Variants in NKAIN3 observed in about 807,000 individuals in gnomAD.
NKAIN3 encodes the protein sodium/potassium-transporting ATPase subunit beta-1-interacting protein 3.
A neutral mutation model predicts 30.2 loss-of-function variants in NKAIN3; 25 were observed. The ratio of observed to expected loss-of-function variants is 0.83; its 90% CI spans 0.60 to 1.16. The LOEUF (loss-of-function observed/expected upper bound fraction) is 1.16, where lower values mean the gene tolerates loss of function less well. Among genes scored for constraint, NKAIN3 ranks in the 50% most tolerant of loss-of-function variants. The pLI is 0.00. For synonymous variants in NKAIN3, 91 were observed against 89.6 expected (o/e 1.02, Z -0.09); for missense variants, 225 against 254.1 (o/e 0.89, Z 0.78).
chr8:62,783,698 C>T (rs759961079), intron 4 of NKAIN3, among the ~76,000 whole-genome samples: 15 of 150,312 alleles, frequency 1.0e-4, no homozygotes, highest in South Asian at 2.1e-4. Flanking sequence ...GCAGCCTCAA[C>T]CTCCTGGGCT....
At chr8:62,655,681 A>C (rs1262594830) in intron 3 of NKAIN3, among the ~76,000 whole-genome samples, 1 of 152,166 alleles carries the variant, frequency 6.6e-6, no homozygotes, top group Admixed American at 6.6e-5. Context: ...GAAAGAGCAG[A>C]TTGGTAGAGG....
chr8:62,254,403 T>C (rs1160274749), intron 1 of NKAIN3, among the ~76,000 whole-genome samples: 1 of 152,060 alleles, frequency 6.6e-6, no homozygotes, highest in Non-Finnish European at 1.5e-5. Context: ...AGAGAGTACA[T>C]AGTTGAGACT....
intron 3 of NKAIN3, among the ~76,000 whole-genome samples, chr8:62,717,326 T>A (rs1814938904): frequency 6.6e-6 from 1 of 152,232 alleles, no homozygotes; most frequent in South Asian, 2.1e-4. Flanking sequence ...AACTATAACA[T>A]ATTAAGCTTC....
chr8:62,409,753 A>G (rs1233137793), intron 1 of NKAIN3, among the ~76,000 whole-genome samples: 3 of 152,004 alleles, frequency 2.0e-5, no homozygotes, highest in Non-Finnish European at 4.4e-5. Context: ...GTTTTTTAAA[A>G]TACTTACTTT....
At chr8:62,790,581 C>CTG (rs35454019) in intron 4 of NKAIN3, among the ~76,000 whole-genome samples, 86,875 of 147,384 alleles carry the variant, frequency 0.59, 28,198 homozygotes, top group Non-Finnish European at 0.75. Context: ...GTCTGTCTGT[C>CTG]TGTGTGTGTG....
At chr8:62,613,564 A>G (rs1811356193) in intron 3 of NKAIN3, among the ~76,000 whole-genome samples, 3 of 151,874 alleles carry the variant, frequency 2.0e-5, no homozygotes, top group Non-Finnish European at 4.4e-5. Flanking sequence ...ATCTTTCTCT[A>G]TGTTTGGGAC....
intron 4 of NKAIN3, among the ~76,000 whole-genome samples, chr8:62,760,387 C>A (rs556266762): frequency 3.7e-4 from 56 of 152,196 alleles, no homozygotes; most frequent in African/African-American, 1.3e-3. Context: ...AAATGGCCAA[C>A]AATGATAGAC....
intron 3 of NKAIN3, 39 bp downstream of exon 3, chr8:62,589,833 G>A: frequency 9.4e-7 from 1 of 1,059,188 alleles, no homozygotes; most frequent in East Asian, 2.4e-5. Flanking sequence ...TTTAAAATGA[G>A]TACACTTCTA....
intron 4 of NKAIN3, among the ~76,000 whole-genome samples, chr8:62,813,150 G>C (rs144528064): frequency 2.9e-4 from 44 of 151,886 alleles, no homozygotes; most frequent in African/African-American, 8.9e-4. Flanking sequence ...AAAATCAGTT[G>C]GATGTAAATA....
chr8:62,279,974 A>G (rs10808721), intron 1 of NKAIN3, among the ~76,000 whole-genome samples: 88,367 of 152,016 alleles, frequency 0.58, 26,081 homozygotes, highest in East Asian at 0.68. Flanking sequence ...CAGTATGGCC[A>G]TTTTCACGAT....
intron 3 of NKAIN3, among the ~76,000 whole-genome samples, chr8:62,604,121 A>G (rs1016531478): frequency 6.6e-6 from 1 of 152,126 alleles, no homozygotes; most frequent in Admixed American, 6.6e-5. Flanking sequence ...TCCATGTCCC[A>G]TCTGAGGACT....
At chr8:62,825,911 G>A (rs1388604806) in intron 4 of NKAIN3, among the ~76,000 whole-genome samples, 1 of 152,148 alleles carries the variant, frequency 6.6e-6, no homozygotes, top group Non-Finnish European at 1.5e-5. Context: ...TCTGGAGTGA[G>A]GGAAGGAAGG....
At chr8:62,397,045 G>A (rs1817788117) in intron 1 of NKAIN3, among the ~76,000 whole-genome samples, 1 of 152,108 alleles carries the variant, frequency 6.6e-6, no homozygotes, top group African/African-American at 2.4e-5. Flanking sequence ...GTTCTTTGGG[G>A]TGTTCTAGAA....
At chr8:62,335,576 A>T (rs1815520822) in intron 1 of NKAIN3, among the ~76,000 whole-genome samples, 1 of 151,948 alleles carries the variant, frequency 6.6e-6, no homozygotes. Flanking sequence ...CCATCTGAAG[A>T]CCTGTAGACC....
At chr8:62,726,460 G>A (rs142498167) in intron 3 of NKAIN3, among the ~76,000 whole-genome samples, 49 of 152,056 alleles carry the variant, frequency 3.2e-4, no homozygotes, top group African/African-American at 7.9e-4. Flanking sequence ...TAACGTTGAC[G>A]TATGTTTCTT....
intron 4 of NKAIN3, among the ~76,000 whole-genome samples, chr8:62,762,309 T>G (rs1816692173): frequency 9.0e-6 from 1 of 111,186 alleles, no homozygotes; most frequent in South Asian, 3.3e-4. Flanking sequence ...AGAGCAAAAC[T>G]CTGTCTCAAA....
chr8:62,644,631 T>C (rs147937516), intron 3 of NKAIN3, among the ~76,000 whole-genome samples: 4 of 152,258 alleles, frequency 2.6e-5, no homozygotes, highest in African/African-American at 9.6e-5. Context: ...AGGACAACTA[T>C]AGATTGGTTA....
chr8:62,550,736 T>C (rs1809178094), intron 1 of NKAIN3, among the ~76,000 whole-genome samples: 1 of 152,202 alleles, frequency 6.6e-6, no homozygotes, highest in Admixed American at 6.5e-5. Context: ...TTTTAAGGAA[T>C]TTTATAGATT....
intron 4 of NKAIN3, among the ~76,000 whole-genome samples, chr8:62,870,719 C>T (rs952646109): frequency 7.4e-6 from 1 of 135,116 alleles, no homozygotes; most frequent in Non-Finnish European, 1.5e-5. Flanking sequence ...ATCTATATCT[C>T]TATATCTATA....
Sources: gnomAD v4.1 joint callset for allele counts (sites outside exome capture counted in the v4.1 genomes callset) on GRCh38, gnomAD v4.1.1 for gene constraint, MANE v1.5 for transcripts, NCBI Gene and HGNC (gene_info 2026-07-23, HGNC 2026-07-21) for gene names.